SMYD3: variants seen among roughly 807,000 people sequenced by gnomAD.
The protein encoded by SMYD3 is SET and MYND domain containing 3.
Under a neutral mutation model 57.7 loss-of-function variants are expected in SMYD3, and 36 were observed. The observed-to-expected ratio is 0.62, with a 90% CI of 0.48 to 0.82. The LOEUF (loss-of-function observed/expected upper bound fraction) is 0.82, where lower values mean the gene tolerates loss of function less well. Ranked by LOEUF, SMYD3 falls within the 40% of genes least tolerant of loss-of-function variation. The probability of loss-of-function intolerance (pLI) is 0.00; values close to 1 mark genes in which losing one functional copy is unlikely to be tolerated. For missense variants in SMYD3, 515 were observed against 538.8 expected, an observed-to-expected ratio of 0.96 and a Z score of 0.44; for synonymous variants, 211 against 195.0, an observed-to-expected ratio of 1.08 and a Z score of -0.68.
At chr1:246,286,146 G>A (rs2064558068) in intron 5 of SMYD3, among the ~76,000 whole-genome samples, 1 of 152,106 alleles carries the variant, frequency 6.6e-6, no homozygotes, top group African/African-American at 2.4e-5. Context: ...TCTACCCAGA[G>A]GAAAAGAAGT....
At chr1:246,039,478 C>A (rs950250702) in intron 5 of SMYD3, among the ~76,000 whole-genome samples, 7 of 152,190 alleles carry the variant, frequency 4.6e-5, no homozygotes, top group Non-Finnish European at 1.0e-4. Flanking sequence ...AAGAAAGACA[C>A]AGCTCTGTAA....
At chr1:246,198,194 TA>T (rs376148755) in intron 5 of SMYD3, among the ~76,000 whole-genome samples, 60 of 152,318 alleles carry the variant, frequency 3.9e-4, no homozygotes, top group African/African-American at 1.4e-3. Flanking sequence ...CCATATTTAG[TA>T]AAGAACCAGG....
rs568626289 is a variant in SMYD3, at chr1:246,176,684, G to T, written c.531+150517C>A. On this transcript the variant is annotated intron_variant, in intron 5 of 11. Transcript: ENST00000490107. ...CCCACAGGTGCGTGCCAACATGCCT[G>T]GCAAATTACTGTATTTTTTGCAGAG... Among the ~76,000 whole-genome samples the T allele has an allele frequency of 2.6e-5, 4 of 152,190 alleles. No homozygotes were observed. In the South Asian group the frequency reaches 8.3e-4, roughly 32 times the overall value.
intron 10 of SMYD3, among the ~76,000 whole-genome samples, chr1:245,764,737 C>T (rs1004020242): frequency 2.0e-5 from 3 of 151,934 alleles, no homozygotes; most frequent in South Asian, 2.1e-4. Context: ...ATTCAGGCAC[C>T]CCATCTGCGT....
At chr1:246,129,656 A>T (rs1167980449) in intron 5 of SMYD3, among the ~76,000 whole-genome samples, 1 of 152,230 alleles carries the variant, frequency 6.6e-6, no homozygotes, top group South Asian at 2.1e-4. Flanking sequence ...GCTTGTACAC[A>T]TAAGGAAAGT....
chr1:246,304,620 A>G (rs1333179690), intron 5 of SMYD3, among the ~76,000 whole-genome samples: 4 of 152,208 alleles, frequency 2.6e-5, no homozygotes, highest in African/African-American at 9.6e-5. Flanking sequence ...TCCACTTACT[A>G]GCACTGCTAG....
At chr1:246,246,760 G>A (rs964911535) in intron 5 of SMYD3, among the ~76,000 whole-genome samples, 1 of 151,284 alleles carries the variant, frequency 6.6e-6, no homozygotes, top group Non-Finnish European at 1.5e-5. Context: ...CATAGAAGAT[G>A]CCCAAATAAC....
intron 1 of SMYD3, among the ~76,000 whole-genome samples, chr1:246,432,688 A>C (rs898413582): frequency 6.6e-6 from 1 of 152,194 alleles, no homozygotes; most frequent in Non-Finnish European, 1.5e-5. Flanking sequence ...CTGATGGCAG[A>C]CTATTATCTA....
chr1:246,075,975 T>C (rs977539673), intron 5 of SMYD3, among the ~76,000 whole-genome samples: 12 of 150,752 alleles, frequency 8.0e-5, no homozygotes, highest in South Asian at 2.1e-4. Context: ...CAAAAGAACT[T>C]TGGCAAAAGA....
chr1:246,209,442 C>A (rs901309102), intron 5 of SMYD3, among the ~76,000 whole-genome samples: 1 of 151,790 alleles, frequency 6.6e-6, no homozygotes, highest in African/African-American at 2.4e-5. Flanking sequence ...GTATATATAA[C>A]AAGAGGGGGA....
intron 5 of SMYD3, among the ~76,000 whole-genome samples, chr1:246,311,667 A>C (rs192609627): frequency 6.6e-6 from 1 of 152,320 alleles, no homozygotes; most frequent in Non-Finnish European, 1.5e-5. Flanking sequence ...GCACGCGCGC[A>C]CACACACGCA....
chr1:246,300,290 T>G (rs2064871561), intron 5 of SMYD3, among the ~76,000 whole-genome samples: 2 of 152,184 alleles, frequency 1.3e-5, no homozygotes. Context: ...TGATAAAATG[T>G]ATTAGCACAG....
chr1:246,037,217 T>C (rs1231938916), intron 5 of SMYD3, among the ~76,000 whole-genome samples: 1 of 152,222 alleles, frequency 6.6e-6, no homozygotes, highest in Non-Finnish European at 1.5e-5. Flanking sequence ...TTGAAAGATA[T>C]TACCTTCATA....
chr1:246,113,184 A>AAAATAAATAAATAAAT (rs61169442), intron 5 of SMYD3, among the ~76,000 whole-genome samples: 6 of 145,458 alleles, frequency 4.1e-5, no homozygotes, highest in African/African-American at 7.5e-5. Flanking sequence ...TCTGTCTCAA[A>AAAATAAATAAATAAAT]AAATAAATAA....
At chr1:246,015,968 A>G (rs1164837348) in intron 5 of SMYD3, among the ~76,000 whole-genome samples, 2 of 152,156 alleles carry the variant, frequency 1.3e-5, no homozygotes, top group African/African-American at 4.8e-5. Flanking sequence ...TGTTCTAAGG[A>G]AGTAGAGAGC....
chr1:245,849,264 T>C (rs1180853115), intron 10 of SMYD3, among the ~76,000 whole-genome samples: 2 of 152,210 alleles, frequency 1.3e-5, no homozygotes, highest in Non-Finnish European at 2.9e-5. Flanking sequence ...CCTTAGCACA[T>C]GGTTCTTGAC....
Position 246,165,585 on chromosome 1 carries a change from C to G in SMYD3, c.531+161616G>C, listed in dbSNP as rs145111850. Reference sequence around the variant, plus strand: ...GGTGAAGGGTTAAAAGTCGTCGAAACAATCTTCCACCTTATAGCCTCAGGC... The same window carrying G: ...GGTGAAGGGTTAAAAGTCGTCGAAAGAATCTTCCACCTTATAGCCTCAGGC... On this transcript the variant is annotated intron_variant, in intron 5 of 11. Transcript: ENST00000490107. Among the ~76,000 whole-genome samples the G allele has an allele frequency of 1.6e-3, 246 of 152,196 alleles. 1 individual carries two copies. The highest frequency in any genetic ancestry group is 5.5e-3 in the African/African-American group (228 of 41,520).
At chr1:245,871,392 A>C (rs181276245) in intron 8 of SMYD3, among the ~76,000 whole-genome samples, 15 of 152,332 alleles carry the variant, frequency 9.8e-5, no homozygotes, top group African/African-American at 3.4e-4. Context: ...TTCAGATGTA[A>C]CTTGAGGGGA....
Position 245,749,603 on chromosome 1 carries a change from A to G in SMYD3, c.1247T>C (p.Leu416Pro). 6.2e-7 allele frequency: 1 copy of G among 1,614,196 alleles called. No individual in the cohort carries two copies. Among genetic ancestry groups the G allele is most frequent in the Non-Finnish European group, 8.5e-7 (1 of 1,180,030 alleles). The change falls in exon 12 of 12, where the codon CTA becomes CCA. Residue 416 changes from leucine (L) to proline (P), a missense_variant. Coordinates refer to ENST00000490107, the MANE Select transcript of SMYD3 (RefSeq NM_001167740.2). ...GTTGGCGTCGCATTCTTCTAAAAGT[A>G]GAATCAAATCTTCAATCAGGCTGTG... ...REHSLIEDLI[L>P]LLEECDANIR...
Sources: allele counts gnomAD v4.1 joint callset (sites outside exome capture counted in the v4.1 genomes callset), GRCh38; gene constraint gnomAD v4.1.1; transcripts MANE v1.5; gene names NCBI Gene and HGNC (gene_info 2026-07-23, HGNC 2026-07-21).